ASPSCR1: variants seen among roughly 807,000 people sequenced by gnomAD.
The protein encoded by ASPSCR1 is ASPSCR1 tether for SLC2A4, UBX domain containing.
A neutral mutation model predicts 68.9 loss-of-function variants in ASPSCR1; 55 were observed. That is an observed-to-expected ratio of 0.80 (90% CI 0.64 to 1.00). The LOEUF is 1.00. Among genes scored for constraint, ASPSCR1 ranks in the 50% least tolerant of loss-of-function variants. The pLI, the probability that ASPSCR1 is intolerant of heterozygous loss-of-function variation, is 0.00. For synonymous variants in ASPSCR1, 352 were observed against 332.6 expected, an observed-to-expected ratio of 1.06 and a Z score of -0.63; for missense variants, 765 against 762.2, an observed-to-expected ratio of 1.00 and a Z score of -0.04.
rs2041996169 is a variant in ASPSCR1 at position 81,986,428 on chromosome 17, C to A, written c.374+821C>A. The stretch of plus-strand genomic sequence containing the variant: ...TGGGCAACAGAACGAGACTCTGTCT[C>A]AAAAAAATAAATAAATAAAAATAAG... On this transcript the variant is annotated intron_variant, in intron 4 of 15. Coordinates refer to ENST00000306739, the MANE Select transcript of ASPSCR1 (RefSeq NM_024083.4). The surrounding 1 kb of genome is among the most constrained non-coding windows in gnomAD (Gnocchi z 5.2). Among the ~76,000 whole-genome samples the A allele has an allele frequency of 6.6e-6, 1 of 151,922 alleles. No individual in the cohort carries two copies. The highest frequency in any genetic ancestry group is 2.4e-5 in the African/African-American group (1 of 41,360).
chr17:82,008,805 G>A, intron 7 of ASPSCR1: 1 of 489,754 alleles, frequency 2.0e-6, no homozygotes, highest in Non-Finnish European at 3.5e-6. Context: ...TGCACTGACT[G>A]GGAGAGGGGG....
intron 7 of ASPSCR1, among the ~76,000 whole-genome samples, chr17:81,998,163 G>A (rs1424315554): frequency 6.6e-6 from 1 of 152,088 alleles, no homozygotes; most frequent in Non-Finnish European, 1.5e-5. Context: ...TAAAGACGAG[G>A]TCTCTCTCTG....
intron 7 of ASPSCR1, among the ~76,000 whole-genome samples, chr17:82,001,204 C>A (rs936151959): frequency 6.6e-6 from 1 of 152,160 alleles, no homozygotes; most frequent in African/African-American, 2.4e-5. Flanking sequence ...GGTGAATACA[C>A]CCTGCCTGGG....
At chr17:82,010,654 CA>C (rs1425435218) in intron 9 of ASPSCR1, 147 bp from the exon 10 acceptor site, 6 of 789,094 alleles carry the variant, frequency 7.6e-6, no homozygotes, top group African/African-American at 6.9e-5. Flanking sequence ...ACGGGGGAGT[CA>C]AAGCCCAGGC....
At chr17:81,996,901 G>A (rs1329644196) in intron 7 of ASPSCR1, 55 bp downstream of exon 7, 1 of 1,521,822 alleles carries the variant, frequency 6.6e-7, no homozygotes, top group African/African-American at 1.4e-5. Flanking sequence ...CTGATGTGTA[G>A]CCCTGCGTGG....
intron 10 of ASPSCR1, among the ~76,000 whole-genome samples, chr17:82,011,329 G>A (rs2042933497): frequency 6.6e-6 from 1 of 152,130 alleles, no homozygotes; most frequent in South Asian, 2.1e-4. Context: ...GCGGGTGGCA[G>A]TGGGAGTGCT....
At position 81,996,564 on chromosome 17, in the gene ASPSCR1, C is replaced by T. The variant is rs186852466; in HGVS notation, c.651C>T (p.Asp217=). The T allele has an allele frequency of 4.6e-5, 75 of 1,612,924 alleles. No individual in the cohort carries two copies. Among genetic ancestry groups the T allele is most frequent in the South Asian group, 4.2e-4 (38 of 91,066 alleles). Residue 217 remains aspartate (D), a synonymous_variant, in exon 7 of 16, where the codon GAC becomes GAT. Coordinates refer to ENST00000306739, the MANE Select transcript of ASPSCR1 (RefSeq NM_024083.4). ...LSRGDLSRPE[D]ADTSGPCCEH... ...GCGGCGACTTGAGCCGTCCGGAGGA[C>T]GCGGACACCTCAGGGCCCTGCTGCG...
chr17:81,985,950 C>G (rs1387982710), intron 4 of ASPSCR1, among the ~76,000 whole-genome samples: 1 of 152,008 alleles, frequency 6.6e-6, no homozygotes, highest in Admixed American at 6.6e-5. Flanking sequence ...TGCTTGATTC[C>G]CCTGGATGGG....
intron 7 of ASPSCR1, among the ~76,000 whole-genome samples, chr17:82,003,205 G>C (rs1288771686): frequency 6.6e-6 from 1 of 152,250 alleles, no homozygotes; most frequent in African/African-American, 2.4e-5. Context: ...CAGCACTTCG[G>C]GAGACCGAGC....
chr17:81,998,460 C>G (rs1011524244), intron 7 of ASPSCR1, among the ~76,000 whole-genome samples: 1 of 151,986 alleles, frequency 6.6e-6, no homozygotes, highest in Non-Finnish European at 1.5e-5. Context: ...TGGATCGTGG[C>G]GATCTTAGTA....
intron 5 of ASPSCR1, 166 bp downstream of exon 5, chr17:81,995,044 C>T: frequency 1.4e-6 from 1 of 693,898 alleles, no homozygotes; most frequent in East Asian, 3.2e-5. Flanking sequence ...GCCCTCGGAG[C>T]CCGGGCTGCC....
chr17:82,014,999 C>T (rs79705591), intron 12 of ASPSCR1: 1 of 1,451,616 alleles, frequency 6.9e-7, no homozygotes, highest in East Asian at 2.5e-5. Flanking sequence ...GGCCCCTCAG[C>T]CTGTGCCTCC....
At chr17:81,997,718 T>TG (rs1221522966) in intron 7 of ASPSCR1, among the ~76,000 whole-genome samples, 2 of 151,892 alleles carry the variant, frequency 1.3e-5, no homozygotes, top group Non-Finnish European at 2.9e-5. Flanking sequence ...CTCAATCTCT[T>TG]GACCTTGTGA....
intron 7 of ASPSCR1, among the ~76,000 whole-genome samples, chr17:82,003,300 T>C (rs2042599054): frequency 1.3e-5 from 2 of 151,602 alleles, no homozygotes; most frequent in Non-Finnish European, 3.0e-5. Context: ...ATTTAAAAAT[T>C]AGTAGGGCGT....
Position 81,990,272 on chromosome 17 carries a change from C to T in ASPSCR1, c.375-4549C>T, listed in dbSNP as rs1163124704. Among the ~76,000 whole-genome samples the T allele has an allele frequency of 1.3e-5, 2 of 152,224 alleles. No homozygotes were observed. Among genetic ancestry groups the T allele is most frequent in the Admixed American group, 6.5e-5 (1 of 15,282 alleles). ...CATGTATGGTGCACTTGGAGCATCT[C>T]GGTCTGGGCCGGGTCCTCGTGGACT... On this transcript the variant is annotated intron_variant, in intron 4 of 15. Transcript: ENST00000306739. This position sits in a 1 kb window ranked among gnomAD's most constrained non-coding sequence, Gnocchi z 4.1.
chr17:81,994,552 G>T (rs544501822), intron 4 of ASPSCR1, among the ~76,000 whole-genome samples: 2 of 152,310 alleles, frequency 1.3e-5, no homozygotes, highest in Non-Finnish European at 2.9e-5. Flanking sequence ...GCGGCCCCGA[G>T]ACTGGAGGTC....
At position 82,008,913 on chromosome 17, in the gene ASPSCR1, G is replaced by A; in HGVS notation, c.934-124G>A. On this transcript the variant is annotated intron_variant, in intron 7 of 15. Coordinates refer to ENST00000306739, the MANE Select transcript of ASPSCR1 (RefSeq NM_024083.4). Reference sequence around the variant, plus strand: ...CTGGCCTTGGCCCTGCGCTGGCCGGGGCCAGGGAGGGAGTGGGCCCAGCTC... The same window carrying A: ...CTGGCCTTGGCCCTGCGCTGGCCGGAGCCAGGGAGGGAGTGGGCCCAGCTC... 7.5e-6 allele frequency: 10 copies of A among 1,332,260 alleles called. No individual in the cohort carries two copies. The South Asian group carries it at 1.1e-4, about 15-fold the overall frequency. The allele number at this position is 1,332,260 out of a possible 1,614,324, so 82.5% of individuals were successfully genotyped here.
At chr17:82,003,854 G>A (rs768704797) in intron 7 of ASPSCR1, among the ~76,000 whole-genome samples, 20 of 152,238 alleles carry the variant, frequency 1.3e-4, no homozygotes, top group African/African-American at 1.9e-4. Flanking sequence ...GAGGGTGGCC[G>A]GGGCGCTGAG....
intron 7 of ASPSCR1, among the ~76,000 whole-genome samples, chr17:82,003,986 G>A (rs898984819): frequency 5.3e-5 from 8 of 152,244 alleles, no homozygotes; most frequent in African/African-American, 1.9e-4. Context: ...GAGACGGTGG[G>A]AGGGAGGGAG....
Sources: allele counts gnomAD v4.1 joint callset (sites outside exome capture counted in the v4.1 genomes callset), GRCh38; gene constraint gnomAD v4.1.1; non-coding constraint Gnocchi (gnomAD v3.1); transcripts MANE v1.5; gene names NCBI Gene and HGNC (gene_info 2026-07-23, HGNC 2026-07-21).